Variants in ZNF652 observed in about 807,000 individuals in gnomAD.
ZNF652 encodes zinc finger protein 652.
Under a neutral mutation model 45.2 loss-of-function variants are expected in ZNF652, and 16 were observed. That is an observed-to-expected ratio of 0.35 (90% confidence interval 0.24 to 0.54). ZNF652 has a LOEUF of 0.54. Among genes scored for constraint, ZNF652 ranks in the 20% least tolerant of loss-of-function variants. The pLI is 0.91. For missense variants in ZNF652, 614 were observed against 765.6 expected (o/e 0.80, Z 2.34); for synonymous variants, 250 against 260.6 (o/e 0.96, Z 0.39).
chr17:49,310,838 G>A (rs757479446), intron 5 of ZNF652, among the ~76,000 whole-genome samples: 10 of 152,208 alleles, frequency 6.6e-5, no homozygotes, highest in Non-Finnish European at 1.3e-4. Context: ...GGAGGCGGAG[G>A]CTGCAGTGAG....
In ZNF652 at chr17:49,298,321, G is replaced by T; in HGVS notation, c.*92C>A. 6.6e-7 allele frequency: 1 copy of T among 1,508,196 alleles called. No homozygotes were observed. Among genetic ancestry groups the T allele is most frequent in the South Asian group, 1.3e-5 (1 of 78,966 alleles). The allele number at this position is 1,508,196 out of a possible 1,614,324, so 93.4% of individuals were successfully genotyped here. On this transcript the variant is annotated 3_prime_UTR_variant, in exon 6 of 6. Transcript: ENST00000430262. ...AAGCTCTTGGTAGAGGCGGAGGAGA[G>T]TCTGAGAACTAAGGAAATGCTCACC...
intron 1 of ZNF652, among the ~76,000 whole-genome samples, chr17:49,334,812 T>C (rs968845308): frequency 2.0e-5 from 3 of 149,540 alleles, no homozygotes; most frequent in African/African-American, 4.9e-5. Flanking sequence ...AGTACTGATA[T>C]GTGGTACAAG....
At position 49,317,718 on chromosome 17, in the gene ZNF652, T is replaced by C; in HGVS notation, c.8A>G (p.His3Arg). MS[H>R]TASSCQELVE... ...CAGCTCCTGACAAGAACTGGCTGTG[T>C]GGCTCATTGGTAAGTGGCCCAATTT... The change falls in exon 2 of 6, where the codon CAC becomes CGC. Residue 3 changes from histidine (H) to arginine (R), a missense_variant. By Grantham distance (29) the His-to-Arg change is conservative. Transcript: ENST00000430262. 1 of 1,581,210 alleles carries C rather than the reference T, an allele frequency of 6.3e-7. No individual in the cohort carries two copies. The highest frequency in any genetic ancestry group is 1.1e-5 in the South Asian group (1 of 88,350).
At chr17:49,305,474 T>C (rs1598285279) in intron 5 of ZNF652, among the ~76,000 whole-genome samples, 1 of 152,180 alleles carries the variant, frequency 6.6e-6, no homozygotes, top group Admixed American at 6.5e-5. Context: ...AAAATAAAGA[T>C]AATAATCTCC....
At chr17:49,353,756 C>T (rs1039543221) in intron 1 of ZNF652, among the ~76,000 whole-genome samples, 3 of 152,064 alleles carry the variant, frequency 2.0e-5, no homozygotes, top group South Asian at 2.1e-4. Flanking sequence ...TGTGTGGGCA[C>T]GCATGCACTG....
At chr17:49,333,035 T>C (rs1376659623) in intron 1 of ZNF652, among the ~76,000 whole-genome samples, 1 of 151,710 alleles carries the variant, frequency 6.6e-6, no homozygotes, top group East Asian at 1.9e-4. Flanking sequence ...AAGAAGACCC[T>C]GTCTGAAAAA....
At chr17:49,311,477 AT>A in intron 4 of ZNF652, 21 bp from the exon 5 acceptor site, 2 of 1,607,452 alleles carry the variant, frequency 1.2e-6, no homozygotes, top group Non-Finnish European at 1.7e-6. Context: ...TACAGTGGAG[AT>A]TTTTGAATGC....
At chr17:49,351,012 T>TATATAC (rs1567700253) in intron 1 of ZNF652, among the ~76,000 whole-genome samples, 2 of 20,304 alleles carry the variant, frequency 9.9e-5, no homozygotes, top group Non-Finnish European at 2.1e-4. Context: ...TATATATATA[T>TATATAC]ATACACACAC....
chr17:49,315,775 GT>G (rs1376020696), intron 2 of ZNF652, among the ~76,000 whole-genome samples: 2 of 152,118 alleles, frequency 1.3e-5, no homozygotes, highest in African/African-American at 4.8e-5. Context: ...TTTACCCAGC[GT>G]GTTGGAGATC....
intron 5 of ZNF652, among the ~76,000 whole-genome samples, chr17:49,309,041 G>C (rs2143753565): frequency 6.6e-6 from 1 of 152,072 alleles, no homozygotes; most frequent in South Asian, 2.1e-4. Flanking sequence ...GGAAGGAATG[G>C]GGAGAAAAAC....
rs1232286699 is a variant in ZNF652, at chr17:49,293,354, T to A, written c.*5059A>T. On this transcript the variant is annotated 3_prime_UTR_variant, in exon 6 of 6. Transcript: ENST00000430262. ...AGCTGGAACAACCAAGGAGTTTGAT[T>A]TTCCTTTGAATCTTGCAAAACCTAT... 3.9e-5 allele frequency among the ~76,000 whole-genome samples: 6 copies of A among 152,196 alleles called. No individual in the cohort carries two copies. In the East Asian group the frequency reaches 1.2e-3, roughly 29 times the overall value.
At chr17:49,341,321 T>A (rs1043249984) in intron 1 of ZNF652, among the ~76,000 whole-genome samples, 2 of 150,514 alleles carry the variant, frequency 1.3e-5, no homozygotes, top group African/African-American at 2.4e-5. Flanking sequence ...GCACATCAAC[T>A]GAAAAAAAAA....
rs1370321128 is a variant in ZNF652, at chr17:49,296,686, C to T, written c.*1727G>A. 3 of 151,960 alleles carry T rather than the reference C, an allele frequency of 2.0e-5. No homozygotes were observed. Among genetic ancestry groups the T allele is most frequent in the African/African-American group, 7.3e-5 (3 of 41,368 alleles). 9.4% of individuals were successfully genotyped at this position (151,960 alleles called of 1,614,324 possible). ...GAGGCTGTAGTGTGCTATAACTGCACCTGTGAATAGCCACTGCACTCTAGC... is the reference window on the plus strand; with the variant it reads ...GAGGCTGTAGTGTGCTATAACTGCATCTGTGAATAGCCACTGCACTCTAGC... On this transcript the variant is annotated 3_prime_UTR_variant, in exon 6 of 6. Coordinates refer to ENST00000430262, the MANE Select transcript of ZNF652 (RefSeq NM_001145365.3).
At position 49,289,699 on chromosome 17, in the gene ZNF652, C is replaced by T. The variant is rs1166881174; in HGVS notation, c.*8714G>A. 1 of 152,310 alleles carries T rather than the reference C, an allele frequency of 6.6e-6. No individual in the cohort carries two copies. Among genetic ancestry groups the T allele is most frequent in the Non-Finnish European group, 1.5e-5 (1 of 68,108 alleles). The allele number at this position is 152,310 out of a possible 1,614,324, so 9.4% of individuals were successfully genotyped here. On this transcript the variant is annotated 3_prime_UTR_variant, in exon 6 of 6. Coordinates refer to ENST00000430262, the MANE Select transcript of ZNF652 (RefSeq NM_001145365.3). ...TGTCACCTCCCCAACCCAAAGACTC[C>T]TCTAAACTTCTTTGCAGCATGACAG...
In ZNF652 at chr17:49,312,777, T is replaced by A. The variant is rs1567919897; in HGVS notation, c.969A>T (p.Gly323=). 1 of 1,614,156 alleles carries A rather than the reference T, an allele frequency of 6.2e-7. No individual in the cohort carries two copies. The highest frequency in any genetic ancestry group is 2.2e-5 in the East Asian group (1 of 44,880). ...CACAGGAAAATTTCTTTTCTGCATATCCATGGACGATCTTGATATGTTCAT... is the reference window on the plus strand; with the variant it reads ...CACAGGAAAATTTCTTTTCTGCATAACCATGGACGATCTTGATATGTTCAT... The part of the protein sequence containing the change: ...SLHEHIKIVH[G]YAEKKFSCEI... Residue 323 remains glycine (G), a synonymous_variant, in exon 3 of 6, where the codon GGA becomes GGT. Coordinates refer to ENST00000430262, the MANE Select transcript of ZNF652 (RefSeq NM_001145365.3).
At position 49,290,463 on chromosome 17, in the gene ZNF652, C is replaced by G. The variant is rs1180054845; in HGVS notation, c.*7950G>C. On this transcript the variant is annotated 3_prime_UTR_variant, in exon 6 of 6. Transcript: ENST00000430262. ...GTGCCTGACCTAGAGGACTTGTTCC[C>G]TGATGTAACAGATATCTCTTTGGAG... 6.6e-6 allele frequency: 1 copy of G among 152,192 alleles called. No homozygotes were observed. The highest frequency in any genetic ancestry group is 1.5e-5 in the Non-Finnish European group (1 of 68,044). 9.4% of individuals were successfully genotyped at this position (152,192 alleles called of 1,614,324 possible).
intron 1 of ZNF652, among the ~76,000 whole-genome samples, chr17:49,334,068 T>C (rs1165629336): frequency 6.6e-6 from 1 of 152,212 alleles, no homozygotes; most frequent in Admixed American, 6.5e-5. Context: ...CGAAAACTTG[T>C]AAACAAATGT....
intron 1 of ZNF652, among the ~76,000 whole-genome samples, chr17:49,319,364 G>A (rs1392660995): frequency 4.6e-5 from 7 of 151,780 alleles, no homozygotes; most frequent in Non-Finnish European, 1.0e-4. Flanking sequence ...GCCAGGCGCA[G>A]TGGCTCACGC....
rs2069420631 is a variant in ZNF652 at position 49,292,760 on chromosome 17, CAG to C, written c.*5651_*5652del. ...GTCAAATAAGGATAAAATCTTTCAA[CAG>C]AGAGACGAAATATGTGAAGAAATAA... On this transcript the variant is annotated 3_prime_UTR_variant, in exon 6 of 6. Coordinates refer to ENST00000430262, the MANE Select transcript of ZNF652 (RefSeq NM_001145365.3). 6.6e-6 allele frequency among the ~76,000 whole-genome samples: 1 copy of C among 152,092 alleles called. No homozygotes were observed. Among genetic ancestry groups the C allele is most frequent in the South Asian group, 2.1e-4 (1 of 4,822 alleles).
Sources: allele counts gnomAD v4.1 joint callset (sites outside exome capture counted in the v4.1 genomes callset), GRCh38; gene constraint gnomAD v4.1.1; transcripts MANE v1.5; gene names NCBI Gene and HGNC (gene_info 2026-07-23, HGNC 2026-07-21).